Variants in COBL observed in about 807,000 individuals in gnomAD.
COBL encodes the protein protein cordon-bleu.
Under a neutral mutation model 98.8 loss-of-function variants are expected in COBL, and 51 were observed. The observed-to-expected ratio is 0.52, with a 90% CI of 0.41 to 0.65. The LOEUF (loss-of-function observed/expected upper bound fraction) is 0.65. Among genes scored for constraint, COBL ranks in the 30% least tolerant of loss-of-function variants. COBL has a pLI of 0.00. For synonymous variants in COBL, 634 were observed against 651.7 expected, an observed-to-expected ratio of 0.97 and a Z score of 0.41; for missense variants, 1,617 against 1,617.5, an observed-to-expected ratio of 1.00 and a Z score of 0.01.
chr7:51,037,397 A>G (rs992655462), intron 8 of COBL, among the ~76,000 whole-genome samples: 2 of 152,232 alleles, frequency 1.3e-5, no homozygotes, highest in African/African-American at 4.8e-5. Context: ...ACTGCCAGCC[A>G]TGGGCAGTTC....
At position 51,247,127 on chromosome 7, in the gene COBL, T is replaced by A. The variant is rs6978923; in HGVS notation, c.42-27183A>T. ...CCATGCCCAAGGCAGAAGCCTCAGCTCCTTTCTACCTCCCATCTGCCACGT... is the reference window on the plus strand; with the variant it reads ...CCATGCCCAAGGCAGAAGCCTCAGCACCTTTCTACCTCCCATCTGCCACGT... On this transcript the variant is annotated intron_variant, in intron 1 of 12. Transcript: ENST00000265136. 1.9e-3 allele frequency among the ~76,000 whole-genome samples: 285 copies of A among 152,314 alleles called. 1 individual carries two copies. The highest frequency in any genetic ancestry group is 2.8e-3 in the Non-Finnish European group (192 of 68,030).
At chr7:51,064,270 T>G (rs977109090) in intron 7 of COBL, 1 of 151,692 alleles carries the variant, frequency 6.6e-6, no homozygotes, top group Non-Finnish European at 1.5e-5. Flanking sequence ...TAGGATCCCA[T>G]ATATATCCCT....
At chr7:51,024,192 C>T (rs1787253386) in intron 12 of COBL, among the ~76,000 whole-genome samples, 1 of 151,944 alleles carries the variant, frequency 6.6e-6, no homozygotes, top group Admixed American at 6.6e-5. Flanking sequence ...GCCTGTAGTC[C>T]CAGCTACTCA....
intron 6 of COBL, among the ~76,000 whole-genome samples, chr7:51,121,372 T>C (rs1300375120): frequency 1.3e-5 from 2 of 152,232 alleles, no homozygotes; most frequent in African/African-American, 4.8e-5. Flanking sequence ...GAGTTGTTTG[T>C]TTTTTGTTGT....
intron 5 of COBL, among the ~76,000 whole-genome samples, chr7:51,158,045 A>C (rs1786369429): frequency 6.6e-6 from 1 of 152,230 alleles, no homozygotes; most frequent in Non-Finnish European, 1.5e-5. Context: ...GGAAGGAAGA[A>C]GAGAGCCAGT....
intron 1 of COBL, among the ~76,000 whole-genome samples, chr7:51,233,373 G>T (rs1020586411): frequency 1.3e-5 from 2 of 152,216 alleles, no homozygotes; most frequent in Non-Finnish European, 2.9e-5. Context: ...ATTAAGGATG[G>T]TGATTTGCCT....
intron 1 of COBL, among the ~76,000 whole-genome samples, chr7:51,230,683 T>G (rs558664670): frequency 6.6e-6 from 1 of 152,378 alleles, no homozygotes; most frequent in East Asian, 1.9e-4. Context: ...CTGGCCATTC[T>G]TCCTAATGCA....
chr7:51,247,837 A>G (rs1796386759), intron 1 of COBL, among the ~76,000 whole-genome samples: 1 of 152,088 alleles, frequency 6.6e-6, no homozygotes, highest in African/African-American at 2.4e-5. Flanking sequence ...TAAACAACAA[A>G]CACAAGGCCA....
chr7:51,112,082 T>C (rs1304137703), intron 6 of COBL, among the ~76,000 whole-genome samples: 7 of 152,166 alleles, frequency 4.6e-5, no homozygotes, highest in Non-Finnish European at 1.0e-4. Context: ...TCTATTTCTA[T>C]TTTTACTAAA....
intron 6 of COBL, among the ~76,000 whole-genome samples, chr7:51,130,728 G>GC (rs1798660033): frequency 6.6e-6 from 1 of 152,164 alleles, no homozygotes; most frequent in African/African-American, 2.4e-5. Context: ...TGATCAAATG[G>GC]ACACTTCAGT....
At chr7:51,108,786 G>A (rs1796547312) in intron 6 of COBL, among the ~76,000 whole-genome samples, 1 of 152,082 alleles carries the variant, frequency 6.6e-6, no homozygotes, top group African/African-American at 2.4e-5. Flanking sequence ...GCCCTCCCTG[G>A]GGCGCTGGAG....
At chr7:51,241,882 AGTAAT>A (rs1248489843) in intron 1 of COBL, among the ~76,000 whole-genome samples, 3 of 152,192 alleles carry the variant, frequency 2.0e-5, no homozygotes, top group Non-Finnish European at 4.4e-5. Flanking sequence ...GAGGCAGGAG[AGTAAT>A]GTCTGGAGAC....
chr7:51,291,454 A>G (rs969357553), intron 1 of COBL, among the ~76,000 whole-genome samples: 1 of 152,198 alleles, frequency 6.6e-6, no homozygotes, highest in Non-Finnish European at 1.5e-5. Context: ...ATGAGGTGAC[A>G]GTCATAAAAA....
chr7:51,213,299 T>A (rs10241691), intron 2 of COBL, among the ~76,000 whole-genome samples: 14 of 152,266 alleles, frequency 9.2e-5, no homozygotes, highest in Middle Eastern at 3.4e-3. Context: ...AGTGAACAAG[T>A]AAGCATTTCC....
intron 6 of COBL, among the ~76,000 whole-genome samples, chr7:51,112,986 A>G (rs1444255743): frequency 1.3e-5 from 2 of 152,230 alleles, no homozygotes; most frequent in South Asian, 2.1e-4. Flanking sequence ...ATGTGCTCCC[A>G]TAAGACGTGG....
rs956704692 is a variant in COBL, at chr7:51,230,978, C to T, written c.42-11034G>A. On this transcript the variant is annotated intron_variant, in intron 1 of 12. Transcript: ENST00000265136. ...GGCAGTGGAGATCAAAGGGGTACTACGGGAGAGAAGACTTTAGGGAAGTGA... is the reference window on the plus strand; with the variant it reads ...GGCAGTGGAGATCAAAGGGGTACTATGGGAGAGAAGACTTTAGGGAAGTGA... 5.3e-5 allele frequency among the ~76,000 whole-genome samples: 8 copies of T among 152,120 alleles called. No homozygotes were observed. The East Asian group carries it at 5.8e-4, about 11-fold the overall frequency.
At chr7:51,204,678 G>A (rs1791496999) in intron 2 of COBL, among the ~76,000 whole-genome samples, 1 of 151,392 alleles carries the variant, frequency 6.6e-6, no homozygotes, top group Non-Finnish European at 1.5e-5. Context: ...AGCCTCCCAA[G>A]TAGCTAGGAC....
intron 1 of COBL, among the ~76,000 whole-genome samples, chr7:51,290,370 G>C (rs755780797): frequency 6.6e-6 from 1 of 152,170 alleles, no homozygotes; most frequent in Non-Finnish European, 1.5e-5. Context: ...ATGCCTGGCC[G>C]GGTGATCACC....
intron 1 of COBL, among the ~76,000 whole-genome samples, chr7:51,294,778 C>T (rs1210613601): frequency 6.6e-6 from 1 of 152,124 alleles, no homozygotes; most frequent in South Asian, 2.1e-4. Flanking sequence ...GTTTTTATAC[C>T]CCCTGTAGAT....
Sources: allele counts gnomAD v4.1 joint callset (sites outside exome capture counted in the v4.1 genomes callset), GRCh38; gene constraint gnomAD v4.1.1; transcripts MANE v1.5; gene names NCBI Gene and HGNC (gene_info 2026-07-23, HGNC 2026-07-21).